SYNE1: variants seen among roughly 807,000 people sequenced by gnomAD.
The protein encoded by SYNE1 is spectrin repeat containing nuclear envelope protein 1.
SYNE1 carries 616 observed loss-of-function variants against 1,111.0 expected under a neutral mutation model. The ratio of observed to expected loss-of-function variants is 0.55; its 90% confidence interval spans 0.52 to 0.59. The LOEUF (loss-of-function observed/expected upper bound fraction) is 0.59, where lower values mean the gene tolerates loss of function less well. SYNE1 is among the 20% of genes least tolerant of loss of function. The probability of loss-of-function intolerance (pLI) is 0.00; values close to 1 mark genes in which losing one functional copy is unlikely to be tolerated. For synonymous variants in SYNE1, 3,855 were observed against 3,825.8 expected (o/e 1.01, Z -0.28); for missense variants, 10,006 against 10,417.0 (o/e 0.96, Z 1.72).
chr6:152,354,730 C>T lies in SYNE1; in HGVS notation c.10855G>A (p.Glu3619Lys), dbSNP rs1214109688. The change falls in exon 67 of 146, where the codon GAG (glutamate) becomes AAG (lysine). Residue 3619 changes from glutamate (E) to lysine (K), a missense_variant. Coordinates refer to ENST00000367255, the MANE Select transcript of SYNE1 (RefSeq NM_182961.4). The part of the protein sequence containing the change: ...QVDEWLKTAE[E>K]KVSPRTRRQS... ...CGTCTGGTCCTGGGACTAACTTTCTCCTCTGCTGTTTTGAGCCATTCATCT... is the reference window on the plus strand; with the variant it reads ...CGTCTGGTCCTGGGACTAACTTTCTTCTCTGCTGTTTTGAGCCATTCATCT... 13 of 1,614,234 alleles carry T rather than the reference C, an allele frequency of 8.1e-6. No individual in the cohort carries two copies. The highest frequency in any genetic ancestry group is 1.7e-5 in the Admixed American group (1 of 60,022).
At chr6:152,590,903 T>C (rs2099558336) in intron 3 of SYNE1, among the ~76,000 whole-genome samples, 2 of 152,204 alleles carry the variant, frequency 1.3e-5, no homozygotes, top group African/African-American at 2.4e-5. Context: ...TTAGAATAGT[T>C]TTTTTCTAAT....
chr6:152,391,579 G>GGAAAAA lies in SYNE1; in HGVS notation c.7713-17_7713-12dup. On this transcript the variant is annotated splice_polypyrimidine_tract_variant and intron_variant, in intron 51 of 145. Transcript: ENST00000367255. Reference sequence around the variant, plus strand: ...TTATCAAGAGACTCTCTGAAAAAAAGGAAAAAAAAAAAAAAGAAAAAAAAT... The same window carrying GGAAAAA: ...TTATCAAGAGACTCTCTGAAAAAAAGGAAAAAGAAAAAAAAAAAAAAGAAAAAAAAT... 1.2e-6 allele frequency: 1 copy of GGAAAAA among 855,122 alleles called. No individual in the cohort carries two copies. Among genetic ancestry groups the GGAAAAA allele is most frequent in the Non-Finnish European group, 1.5e-6 (1 of 654,036 alleles). The allele number at this position is 855,122 out of a possible 1,614,324, so 53.0% of individuals were successfully genotyped here. A position where few individuals can be genotyped will look rare whatever the true frequency, so the allele number is the denominator to read the frequency against.
In SYNE1 at chr6:152,278,130, C is replaced by G; in HGVS notation, c.18532G>C (p.Glu6178Gln). Residue 6178 changes from glutamate to glutamine, a missense_variant, in exon 98 of 146, where the codon GAG becomes CAG. Coordinates refer to ENST00000367255, the MANE Select transcript of SYNE1 (RefSeq NM_182961.4). ...TTATCATGCAGGGCTCTCTGCAGCT[C>G]CAGCAGGCTCCCCTTGAGCCTTCTC... ...KLRRLKGSLLELQRALHDKQL... is the reference protein window; with the variant it reads ...KLRRLKGSLLQLQRALHDKQL... The G allele has an allele frequency of 6.2e-7, 1 of 1,614,118 alleles. No individual in the cohort carries two copies. The highest frequency in any genetic ancestry group is 8.5e-7 in the Non-Finnish European group (1 of 1,180,050).
intron 91 of SYNE1, among the ~76,000 whole-genome samples, chr6:152,308,238 T>A (rs972226939): frequency 2.0e-4 from 31 of 152,144 alleles, no homozygotes; most frequent in African/African-American, 6.3e-4. Flanking sequence ...CAGGAGATGA[T>A]AATCAGTGGG....
At chr6:152,599,968 G>A (rs932549794) in intron 3 of SYNE1, among the ~76,000 whole-genome samples, 1 of 152,178 alleles carries the variant, frequency 6.6e-6, no homozygotes, top group Non-Finnish European at 1.5e-5. Context: ...TAAAAGGTAC[G>A]ACTTGGGTTG....
At chr6:152,283,509 G>A (rs1052270606) in intron 96 of SYNE1, among the ~76,000 whole-genome samples, 4 of 152,116 alleles carry the variant, frequency 2.6e-5, no homozygotes, top group East Asian at 1.9e-4. Context: ...TACTCTATTC[G>A]GGAGACTGTT....
chr6:152,356,603 C>T (rs1293738291), intron 66 of SYNE1, among the ~76,000 whole-genome samples: 1 of 151,272 alleles, frequency 6.6e-6, no homozygotes, highest in Non-Finnish European at 1.5e-5. Flanking sequence ...TCAGGTTATA[C>T]AAAATAATTT....
chr6:152,206,565 C>T (rs2076547699), intron 125 of SYNE1, among the ~76,000 whole-genome samples: 3 of 152,174 alleles, frequency 2.0e-5, no homozygotes, highest in South Asian at 2.1e-4. Context: ...AAGGTAAGTA[C>T]GATTGATGTA....
intron 40 of SYNE1, among the ~76,000 whole-genome samples, chr6:152,417,309 T>C (rs2098171736): frequency 1.3e-5 from 2 of 152,150 alleles, no homozygotes; most frequent in South Asian, 4.1e-4. Context: ...CCATCCTGGC[T>C]AACACGGTGA....
At chr6:152,604,532 A>G (rs1401579910) in intron 3 of SYNE1, among the ~76,000 whole-genome samples, 1 of 152,026 alleles carries the variant, frequency 6.6e-6, no homozygotes, top group Non-Finnish European at 1.5e-5. Context: ...TTGAATTTCT[A>G]GACTCAAACA....
Position 152,369,502 on chromosome 6 carries a change from G to A in SYNE1, c.9620C>T (p.Pro3207Leu). The A allele has an allele frequency of 6.2e-7, 1 of 1,614,154 alleles. No homozygotes were observed. Among genetic ancestry groups the A allele is most frequent in the Non-Finnish European group, 8.5e-7 (1 of 1,180,022 alleles). The change falls in exon 60 of 146, where the codon CCA becomes CTA. Residue 3207 changes from proline (P) to leucine (L), a missense_variant. By Grantham distance (98) the Pro-to-Leu change is moderately conservative (BLOSUM62 -3). Around this residue, in one of 7 missense-constraint regions of SYNE1, gnomAD observed 4,955 missense variants for 5,017.2 expected, o/e 0.99. Transcript: ENST00000367255. ...HESSNRLYDL[P>L]AKRREQQKLQ... ...CTTCTGCTGCTCCCTCCTCTTTGCT[G>A]GCAGATCATAGAGGCGATTGCTGCT...
At chr6:152,327,901 G>A (rs1269512943) in intron 78 of SYNE1, among the ~76,000 whole-genome samples, 3 of 152,042 alleles carry the variant, frequency 2.0e-5, no homozygotes, top group Admixed American at 2.0e-4. Context: ...ATAAGCAATA[G>A]CCTTGAATCA....
intron 106 of SYNE1, among the ~76,000 whole-genome samples, chr6:152,243,070 A>T (rs1289160182): frequency 6.6e-6 from 1 of 152,238 alleles, no homozygotes; most frequent in African/African-American, 2.4e-5. Context: ...CCTAGAAATG[A>T]TACATGAGGT....
At chr6:152,568,993 A>T (rs1394013972) in intron 3 of SYNE1, among the ~76,000 whole-genome samples, 1 of 152,232 alleles carries the variant, frequency 6.6e-6, no homozygotes, top group African/African-American at 2.4e-5. Flanking sequence ...TTTGAAAGCC[A>T]GTATTTTTAA....
intron 14 of SYNE1, among the ~76,000 whole-genome samples, chr6:152,473,188 T>C (rs2098816400): frequency 6.6e-6 from 1 of 152,186 alleles, no homozygotes; most frequent in South Asian, 2.1e-4. Context: ...AGAAGTCAGG[T>C]GAAAGGAGAT....
chr6:152,507,970 A>G (rs532400193), intron 8 of SYNE1, among the ~76,000 whole-genome samples: 44 of 152,302 alleles, frequency 2.9e-4, no homozygotes, highest in African/African-American at 9.9e-4. Flanking sequence ...TCTAGTGTTT[A>G]CTGGATGTTT....
chr6:152,511,585 G>A lies in SYNE1; in HGVS notation c.310-482C>T, dbSNP rs561359644. The A allele has an allele frequency of 6.2e-7, 1 of 1,612,524 alleles. No homozygotes were observed. Among genetic ancestry groups the A allele is most frequent in the African/African-American group, 1.3e-5 (1 of 74,952 alleles). ...TTTGTACTAACCGGTGATCCTCTGTGCATGGACTGACATGAAAAACAAAGG... is the reference window on the plus strand; with the variant it reads ...TTTGTACTAACCGGTGATCCTCTGTACATGGACTGACATGAAAAACAAAGG... On this transcript the variant is annotated intron_variant, in intron 6 of 145. Coordinates refer to ENST00000367255, the MANE Select transcript of SYNE1 (RefSeq NM_182961.4).
chr6:152,601,057 A>G (rs1460935763), intron 3 of SYNE1, among the ~76,000 whole-genome samples: 1 of 152,230 alleles, frequency 6.6e-6, no homozygotes, highest in African/African-American at 2.4e-5. Context: ...TCCAAATCTA[A>G]CAAAACAGCA....
chr6:152,473,482 G>A (rs1338335992), intron 14 of SYNE1, among the ~76,000 whole-genome samples: 1 of 152,098 alleles, frequency 6.6e-6, no homozygotes, highest in African/African-American at 2.4e-5. Flanking sequence ...ATTTTAACAT[G>A]GTAGAAAAAC....
Sources: allele counts gnomAD v4.1 joint callset (sites outside exome capture counted in the v4.1 genomes callset), GRCh38; gene constraint gnomAD v4.1.1; regional missense constraint gnomAD v4.1.1; transcripts MANE v1.5; gene names NCBI Gene and HGNC (gene_info 2026-07-23, HGNC 2026-07-21).